DMD: variants seen among roughly 807,000 people sequenced by gnomAD.
The protein encoded by DMD is mutant dystrophin.
DMD carries 63 observed loss-of-function variants against 330.1 expected under a neutral mutation model. The observed-to-expected ratio is 0.19, with a 90% CI of 0.16 to 0.24. The LOEUF (loss-of-function observed/expected upper bound fraction) is 0.24, where lower values mean the gene tolerates loss of function less well. Ranked by LOEUF, DMD falls within the 10% of genes least tolerant of loss-of-function variation. The pLI is 1.00. For synonymous variants in DMD, 1,223 were observed against 959.8 expected (o/e 1.27, Z -5.07); for missense variants, 3,344 against 2,684.1 (o/e 1.25, Z -5.43).
chrX:32,245,841 A>C (rs1206095663), intron 43 of DMD, among the ~76,000 whole-genome samples: 12 of 101,017 alleles, frequency 1.2e-4, no homozygotes, highest in Admixed American at 8.8e-4. Context: ...GAAGTTGCTT[A>C]TCAGCTTAAG....
chrX:32,149,218 T>C (rs991666438), intron 44 of DMD, among the ~76,000 whole-genome samples: 1 of 111,781 alleles, frequency 8.9e-6, no homozygotes, highest in African/African-American at 3.3e-5. Context: ...AGCCAGCAGT[T>C]AGAGGCATCT....
chrX:31,226,585 T>C (rs7057861), intron 63 of DMD, among the ~76,000 whole-genome samples: 32,172 of 110,696 alleles, frequency 0.29, 4,209 homozygotes, highest in African/African-American at 0.5. Flanking sequence ...TCCTTCTCTC[T>C]CTCTCCCCTA....
intron 33 of DMD, among the ~76,000 whole-genome samples, chrX:32,383,562 C>T (rs2097939030): frequency 1.8e-5 from 2 of 110,817 alleles, no homozygotes; most frequent in African/African-American, 6.5e-5. Flanking sequence ...TACATGATCC[C>T]TTAGTCACAA....
At chrX:31,781,365 T>A (rs1251082822) in intron 50 of DMD, among the ~76,000 whole-genome samples, 1 of 112,337 alleles carries the variant, frequency 8.9e-6, no homozygotes, top group Non-Finnish European at 1.9e-5. Flanking sequence ...GAATTATTAA[T>A]CACTCAAATA....
At chrX:31,726,610 AAGTTTATGAGTAT>A (rs1193703819) in intron 52 of DMD, among the ~76,000 whole-genome samples, 2 of 111,959 alleles carry the variant, frequency 1.8e-5, no homozygotes, top group Non-Finnish European at 3.8e-5. Context: ...CACGATCGAA[AAGTTTATGAGTAT>A]TGAATTTCCA....
At chrX:31,144,250 ATCT>A (rs2036422220) in intron 76 of DMD, among the ~76,000 whole-genome samples, 1 of 111,038 alleles carries the variant, frequency 9.0e-6, no homozygotes, top group Non-Finnish European at 1.9e-5. Flanking sequence ...GCCCTCGTCC[ATCT>A]TCTTCAACAT....
At position 32,454,673 on chromosome X, in the gene DMD, C is replaced by G. The variant is rs756522820; in HGVS notation, c.3592G>C (p.Glu1198Gln). The G allele has an allele frequency of 9.0e-6, 10 of 1,115,781 alleles. No individual in the cohort carries two copies. Among genetic ancestry groups the G allele is most frequent in the Admixed American group, 4.8e-5 (2 of 41,438 alleles). 92.0% of individuals were successfully genotyped at this position (1,115,781 alleles called of 1,213,427 possible). A position where few individuals can be genotyped will look rare whatever the true frequency, so the allele number is the denominator to read the frequency against. The part of the protein sequence containing the change: ...KTPDELQKAV[E>Q]EMKRAKEEAQ... Reference sequence around the variant, plus strand: ...TTTTTTTTTTTTACCTTCATCTCTTCAACTGCTTTCTGTAATTCATCTGGA... The same window carrying G: ...TTTTTTTTTTTTACCTTCATCTCTTGAACTGCTTTCTGTAATTCATCTGGA... The change falls in exon 26 of 79, where the codon GAA (glutamate) becomes CAA (glutamine). Residue 1198 changes from glutamate (E) to glutamine (Q), a missense_variant. Physicochemically the swap from Glu to Gln is conservative, Grantham distance 29. Transcript: ENST00000357033.
chrX:31,632,456 T>C lies in DMD; in HGVS notation c.8028-4594A>G, dbSNP rs138799080. Among the ~76,000 whole-genome samples the C allele has an allele frequency of 4.0e-3, 451 of 111,950 alleles. 5 individuals carry two copies. Among genetic ancestry groups the C allele is most frequent in the African/African-American group, 0.014 (430 of 30,863 alleles). The stretch of plus-strand genomic sequence containing the variant: ...CAGGTTATTTTTAAAATGTGATAAA[T>C]TAGGAACATTCAAAGAACTCAGTCT... On this transcript the variant is annotated intron_variant, in intron 54 of 78. Transcript: ENST00000357033.
intron 43 of DMD, among the ~76,000 whole-genome samples, chrX:32,254,729 T>C (rs1359882352): frequency 2.7e-5 from 3 of 112,305 alleles, no homozygotes; most frequent in Non-Finnish European, 3.8e-5. Context: ...TTACATGCAA[T>C]TGTTCCATCT....
chrX:32,500,433 G>A (rs898922274), intron 19 of DMD, among the ~76,000 whole-genome samples: 5 of 111,256 alleles, frequency 4.5e-5, no homozygotes, highest in Admixed American at 9.6e-5. Context: ...AATCATTCCC[G>A]TAATTTCTAA....
intron 44 of DMD, among the ~76,000 whole-genome samples, chrX:31,973,699 A>C (rs2095416121): frequency 9.0e-6 from 1 of 111,624 alleles, no homozygotes; most frequent in African/African-American, 3.3e-5. Context: ...GTTAGCATAA[A>C]AGTACCCTCT....
At chrX:32,579,054 A>G (rs961092371) in intron 13 of DMD, among the ~76,000 whole-genome samples, 3 of 111,630 alleles carry the variant, frequency 2.7e-5, no homozygotes, top group Non-Finnish European at 5.6e-5. Context: ...AACCATTGAA[A>G]AAAACAAAAA....
At chrX:32,910,256 A>G (rs2087104792) in intron 2 of DMD, among the ~76,000 whole-genome samples, 1 of 111,171 alleles carries the variant, frequency 9.0e-6, no homozygotes, top group South Asian at 3.8e-4. Flanking sequence ...CTTCTGGATG[A>G]AAGGTTTACA....
intron 44 of DMD, among the ~76,000 whole-genome samples, chrX:32,123,244 A>ATATATATATATAT (rs1569544914): frequency 7.0e-5 from 3 of 42,715 alleles, no homozygotes; most frequent in African/African-American, 2.1e-4. Context: ...TATATATATA[A>ATATATATATATAT]ATGATCAAAA....
chrX:32,211,716 G>T (rs1288879792), intron 44 of DMD, among the ~76,000 whole-genome samples: 4 of 111,896 alleles, frequency 3.6e-5, no homozygotes, highest in African/African-American at 1.3e-4. Flanking sequence ...AATACCTTAA[G>T]ATTTTAGGGT....
At chrX:32,668,965 G>T (rs1379362242) in intron 9 of DMD, among the ~76,000 whole-genome samples, 1 of 110,929 alleles carries the variant, frequency 9.0e-6, no homozygotes, top group African/African-American at 3.3e-5. Context: ...AACATTTATA[G>T]GTTGATACCA....
chrX:31,804,251 G>A (rs970491775), intron 50 of DMD, among the ~76,000 whole-genome samples: 1 of 111,380 alleles, frequency 9.0e-6, no homozygotes, highest in African/African-American at 3.3e-5. Context: ...CGGTCTACTC[G>A]GTTTATCAAG....
intron 7 of DMD, among the ~76,000 whole-genome samples, chrX:32,723,553 T>C (rs1399710981): frequency 9.0e-6 from 1 of 111,425 alleles, no homozygotes; most frequent in Non-Finnish European, 1.9e-5. Flanking sequence ...GGACACAAAC[T>C]TGAAGTTATA....
chrX:33,308,296 A>G (rs975874059), intron 1 of DMD, among the ~76,000 whole-genome samples: 5 of 112,135 alleles, frequency 4.5e-5, no homozygotes, highest in African/African-American at 1.6e-4. Context: ...TCTTTGCCCA[A>G]CTTTGGCATT....
Sources: allele counts gnomAD v4.1 joint callset (sites outside exome capture counted in the v4.1 genomes callset), GRCh38; gene constraint gnomAD v4.1.1; transcripts MANE v1.5; gene names NCBI Gene and HGNC (gene_info 2026-07-23, HGNC 2026-07-21).